CCDC74A: variants seen among roughly 807,000 people sequenced by gnomAD.
The protein encoded by CCDC74A is coiled-coil domain containing 74A.
A neutral mutation model predicts 37.6 loss-of-function variants in CCDC74A; 38 were observed. That is an observed-to-expected ratio of 1.01 (90% confidence interval 0.78 to 1.33). CCDC74A has a LOEUF of 1.33. CCDC74A is among the 40% of genes most tolerant of loss of function. The pLI, the probability that CCDC74A is intolerant of heterozygous loss-of-function variation, is 0.00. For synonymous variants in CCDC74A, 134 were observed against 165.2 expected (o/e 0.81, Z 1.45); for missense variants, 340 against 403.4 (o/e 0.84, Z 1.35).
At chr2:131,525,590 C>T (rs574897623), upstream of CCDC74A, among the ~76,000 whole-genome samples, 6 of 152,134 alleles carry the variant, frequency 3.9e-5, 1 homozygote, top group South Asian at 4.2e-4. Flanking sequence ...CTCTGTTGCT[C>T]GGGATGGAGT....
upstream of CCDC74A, among the ~76,000 whole-genome samples, chr2:131,522,724 T>C (rs563072225): frequency 8.7e-4 from 132 of 152,244 alleles, 1 homozygote; most frequent in African/African-American, 2.4e-3. Flanking sequence ...CGCTAGGATA[T>C]ACCAGCGCCC....
chr2:131,532,903 C>G lies in CCDC74A; in HGVS notation c.718C>G (p.Pro240Ala). The G allele has an allele frequency of 6.2e-7, 1 of 1,613,588 alleles. No individual in the cohort carries two copies. The highest frequency in any genetic ancestry group is 8.5e-7 in the Non-Finnish European group (1 of 1,179,702). ...GTCCCTCCTGGAAGGGAGCCAGAGG[C>G]CCCAGGCAGCCCCGGAGGAAGCTAG... ...LKSLLEGSQR[P>A]QAAPEEASFP... Residue 240 changes from proline (P) to alanine (A), a missense_variant, in exon 6 of 8, where the codon CCC (proline) becomes GCC (alanine). Physicochemically the swap from Pro to Ala is conservative, Grantham distance 27. Transcript: ENST00000409856.
At chr2:131,531,327 G>A (rs564933470) in intron 3 of CCDC74A, among the ~76,000 whole-genome samples, 2 of 152,228 alleles carry the variant, frequency 1.3e-5, no homozygotes, top group East Asian at 3.9e-4. Flanking sequence ...CCTGTGATGG[G>A]CCCAGGTGCT....
chr2:131,529,009 A>C (rs1573525011), intron 1 of CCDC74A, among the ~76,000 whole-genome samples: 3 of 114,302 alleles, frequency 2.6e-5, no homozygotes, highest in East Asian at 2.9e-4. Context: ...CCTCACCCCC[A>C]CGCCCCCCTT....
intron 2 of CCDC74A, 35 bp downstream of exon 2, chr2:131,529,726 C>T (rs371047111): frequency 1.1e-5 from 17 of 1,610,256 alleles, no homozygotes; most frequent in African/African-American, 6.7e-5. Context: ...TGATGGGATG[C>T]TCTTGCCACC....
intron 3 of CCDC74A, 141 bp downstream of exon 3, chr2:131,530,968 A>G: frequency 4.1e-6 from 5 of 1,226,730 alleles, no homozygotes; most frequent in Non-Finnish European, 5.4e-6. Flanking sequence ...AGCTGAAAAG[A>G]GCCCTGCAAG....
chr2:131,531,164 G>A (rs1681228594), intron 3 of CCDC74A, among the ~76,000 whole-genome samples: 1 of 152,128 alleles, frequency 6.6e-6, no homozygotes, highest in Non-Finnish European at 1.5e-5. Context: ...CCGTGTCCCT[G>A]CCACAAGCAG....
intron 1 of CCDC74A, 198 bp downstream of exon 1, chr2:131,528,418 C>G: frequency 4.5e-6 from 7 of 1,550,862 alleles, no homozygotes; most frequent in South Asian, 1.2e-5. Flanking sequence ...CGGGCAGTGC[C>G]GACCCTGTCT....
At chr2:131,528,806 G>A (rs773959206) in intron 1 of CCDC74A, among the ~76,000 whole-genome samples, 3 of 152,134 alleles carry the variant, frequency 2.0e-5, no homozygotes, top group African/African-American at 4.8e-5. Flanking sequence ...GCGAGACTCC[G>A]TCTCAAAAAA....
At chr2:131,531,051 C>T (rs1559423813) in intron 3 of CCDC74A, among the ~76,000 whole-genome samples, 1 of 152,120 alleles carries the variant, frequency 6.6e-6, no homozygotes, top group African/African-American at 2.4e-5. Flanking sequence ...TAAGGCCTCA[C>T]AGCAGGCACC....
chr2:131,527,716 A>G (rs1484278249), upstream of CCDC74A: 20 of 509,028 alleles, frequency 3.9e-5, no homozygotes, highest in Admixed American at 7.3e-4. Context: ...GCTGGTCACG[A>G]ACTCCTGACC....
rs756803996 is a variant in CCDC74A, at chr2:131,528,046, C to T, written c.76C>T (p.Arg26Cys). 8.3e-5 allele frequency: 128 copies of T among 1,535,414 alleles called. No individual in the cohort carries two copies. The highest frequency in any genetic ancestry group is 7.4e-4 in the Admixed American group (32 of 43,234). ...PTPGSRRRRQ[R>C]PSVGVQSLRP... ...CCCGGGCTCTCGGCGCCGGCGCCAG[C>T]GCCCCTCTGTGGGCGTCCAGTCCTT... The change falls in exon 1 of 8, where the codon CGC (arginine) becomes TGC (cysteine). Residue 26 changes from arginine (R) to cysteine (C), a missense_variant. This residue lies in a region of CCDC74A where 154 missense variants were observed against 153.9 expected (regional missense o/e 1.00). Coordinates refer to ENST00000409856, the MANE Select transcript of CCDC74A (RefSeq NM_001258306.3).
rs147852548 is a variant in CCDC74A at position 131,530,741 on chromosome 2, C to T, written c.296-36C>T. On this transcript the variant is annotated intron_variant, in intron 2 of 7. Transcript: ENST00000409856. ...CCAGGAGGCAAGCGTGGGCGTCTTG[C>T]GGGCGGTAGCGCCGACACTGTGCGC... 7.4e-3 allele frequency: 11,991 copies of T among 1,613,142 alleles called. 20 individuals are homozygous for T. Among genetic ancestry groups the T allele is most frequent in the Non-Finnish European group, 8.3e-3 (9,748 of 1,179,796 alleles).
chr2:131,527,822 C>T (rs781578643), upstream of CCDC74A: 11 of 1,138,534 alleles, frequency 9.7e-6, no homozygotes, highest in African/African-American at 1.8e-4. Flanking sequence ...CACTACTCAC[C>T]CAGGAAGAGC....
upstream of CCDC74A, among the ~76,000 whole-genome samples, chr2:131,525,291 G>A (rs1680259044): frequency 6.6e-6 from 1 of 151,960 alleles, no homozygotes; most frequent in South Asian, 2.1e-4. Context: ...TCTCTGTGTT[G>A]TCCAAGCTGG....
rs1681280868 is a variant in CCDC74A at position 131,531,455 on chromosome 2, CACAGGCACCACCCA to C, written c.347-208_347-195del. Among the ~76,000 whole-genome samples the C allele has an allele frequency of 2.0e-5, 3 of 149,892 alleles. No homozygotes were observed. The South Asian group carries it at 6.4e-4, about 32-fold the overall frequency. ...ACTATGTTGATTGTTCTAGAGTGTT[CACAGGCACCACCCA>C]TGGGCTTCACCCTCAGAACCACATT... On this transcript the variant is annotated intron_variant, in intron 3 of 7. Coordinates refer to ENST00000409856, the MANE Select transcript of CCDC74A (RefSeq NM_001258306.3).
chr2:131,526,516 T>C (rs779890028), upstream of CCDC74A, among the ~76,000 whole-genome samples: 5 of 152,246 alleles, frequency 3.3e-5, no homozygotes, highest in Admixed American at 1.3e-4. Context: ...TGTAATCTCA[T>C]GTTGTCCACT....
chr2:131,523,863 G>C (rs201158755), upstream of CCDC74A, among the ~76,000 whole-genome samples: 3,904 of 151,902 alleles, frequency 0.026, 118 homozygotes, highest in East Asian at 0.1. Flanking sequence ...ATGTGTTTAG[G>C]AACTCCCAAG....
At chr2:131,531,001 A>G (rs1681190243) in intron 3 of CCDC74A, among the ~76,000 whole-genome samples, 174 bp downstream of exon 3, 1 of 151,728 alleles carries the variant, frequency 6.6e-6, no homozygotes, top group Non-Finnish European at 1.5e-5. Context: ...GGAGGGGATT[A>G]AGGGGGGGTG....
Sources: gnomAD v4.1 joint callset for allele counts (sites outside exome capture counted in the v4.1 genomes callset) on GRCh38, gnomAD v4.1.1 for gene constraint, gnomAD v4.1.1 regional missense constraint, MANE v1.5 for transcripts, NCBI Gene and HGNC (gene_info 2026-07-23, HGNC 2026-07-21) for gene names.